LAMB4: variants seen among roughly 807,000 people sequenced by gnomAD.
The protein encoded by LAMB4 is laminin subunit beta 4, also known as laminin subunit beta-4.
LAMB4 carries 196 observed loss-of-function variants against 199.2 expected under a neutral mutation model. The ratio of observed to expected loss-of-function variants is 0.98; its 90% confidence interval spans 0.88 to 1.11. The LOEUF (loss-of-function observed/expected upper bound fraction) is 1.11. LAMB4 is among the 50% of genes least tolerant of loss of function. The probability of loss-of-function intolerance (pLI) is 0.00; values close to 1 mark genes in which losing one functional copy is unlikely to be tolerated. For synonymous variants in LAMB4, 744 were observed against 770.6 expected (o/e 0.97, Z 0.57); for missense variants, 2,080 against 2,171.2 (o/e 0.96, Z 0.83).
intron 23 of LAMB4, among the ~76,000 whole-genome samples, chr7:108,058,903 T>G (rs942571560): frequency 8.5e-5 from 13 of 152,236 alleles, no homozygotes; most frequent in African/African-American, 2.9e-4. Flanking sequence ...GCGACCCACC[T>G]GCCTCAGCCT....
At chr7:108,091,438 T>C (rs2037397693) in intron 14 of LAMB4, among the ~76,000 whole-genome samples, 188 bp downstream of exon 14, 1 of 152,238 alleles carries the variant, frequency 6.6e-6, no homozygotes, top group African/African-American at 2.4e-5. Flanking sequence ...AAAGATGAAC[T>C]AAACAGAGAC....
intron 3 of LAMB4, among the ~76,000 whole-genome samples, chr7:108,115,398 A>G (rs1346107223): frequency 2.0e-5 from 3 of 152,220 alleles, no homozygotes; most frequent in Non-Finnish European, 4.4e-5. Context: ...GGGTAGGCCC[A>G]GTGGCTTAGC....
chr7:108,053,546 A>G (rs1195064640), intron 25 of LAMB4, among the ~76,000 whole-genome samples: 1 of 152,228 alleles, frequency 6.6e-6, no homozygotes, highest in African/African-American at 2.4e-5. Context: ...GAAAGGCTTC[A>G]GGGAGGAGGT....
rs2035376848 is a variant in LAMB4, at chr7:108,040,310, A to C, written c.4472-2715T>G. 2.0e-5 allele frequency among the ~76,000 whole-genome samples: 3 copies of C among 152,238 alleles called. No homozygotes were observed. The East Asian group carries it at 5.8e-4, about 29-fold the overall frequency. The stretch of plus-strand genomic sequence containing the variant: ...TCCATGCTCATAGATAGGAAGAATC[A>C]ATATCATTAAAATGGCTATACTGCC... On this transcript the variant is annotated intron_variant, in intron 29 of 33. Coordinates refer to ENST00000388781, the MANE Select transcript of LAMB4 (RefSeq NM_007356.3).
At chr7:108,086,119 A>C (rs1207729842) in intron 14 of LAMB4, among the ~76,000 whole-genome samples, 1 of 152,146 alleles carries the variant, frequency 6.6e-6, no homozygotes, top group African/African-American at 2.4e-5. Flanking sequence ...CTCACCTGGA[A>C]GGTTACCTGC....
chr7:108,047,812 TTCTCACTTGGAAGTTATA>T (rs2035681707), intron 28 of LAMB4, 78 bp downstream of exon 28: 3 of 946,756 alleles, frequency 3.2e-6, no homozygotes, highest in African/African-American at 1.6e-5. Flanking sequence ...AGAATCTATC[TTCTCACTTGGAAGTTATA>T]TGGCAGTTTT....
chr7:108,078,876 T>C (rs1310037329), intron 15 of LAMB4, among the ~76,000 whole-genome samples: 1 of 152,170 alleles, frequency 6.6e-6, no homozygotes, highest in Admixed American at 6.5e-5. Context: ...AATAGAGAAT[T>C]ATGTCCTATC....
intron 14 of LAMB4, among the ~76,000 whole-genome samples, chr7:108,090,941 C>T (rs1393174085): frequency 6.6e-6 from 1 of 152,110 alleles, no homozygotes; most frequent in Non-Finnish European, 1.5e-5. Context: ...TTTCATCCTT[C>T]CCCATCTGTC....
chr7:108,077,985 C>T (rs2036769451), intron 16 of LAMB4, among the ~76,000 whole-genome samples: 2 of 152,206 alleles, frequency 1.3e-5, no homozygotes, highest in Non-Finnish European at 2.9e-5. Flanking sequence ...ATTTCTTCTT[C>T]ATCTAACGAA....
At chr7:108,118,841 A>G (rs936574286) in intron 2 of LAMB4, among the ~76,000 whole-genome samples, 5 of 152,216 alleles carry the variant, frequency 3.3e-5, no homozygotes, top group Admixed American at 6.5e-5. Context: ...GACCTTATGA[A>G]GAAGTGAAAA....
Position 108,062,869 on chromosome 7 carries a change from G to A in LAMB4, c.3187C>T (p.Arg1063Cys), listed in dbSNP as rs536424364. The A allele has an allele frequency of 7.5e-6, 12 of 1,593,148 alleles. No individual in the cohort carries two copies. The highest frequency in any genetic ancestry group is 1.1e-5 in the South Asian group (1 of 87,334). ...AGATTCCAGTATCCATCAGCACAAC[G>A]GTCACAGGCCAGGCCTGTGACATTC... is the stretch of plus-strand genomic sequence containing the variant. ...LPNVTGLACD[R>C]CADGYWNLVP... Residue 1063 changes from arginine to cysteine, a missense_variant, in exon 23 of 34, where the codon CGT becomes TGT. Coordinates refer to ENST00000388781, the MANE Select transcript of LAMB4 (RefSeq NM_007356.3).
rs1463095737 is a variant in LAMB4, at chr7:108,065,903, A to G, written c.2695T>C (p.Tyr899His). The change falls in exon 21 of 34, where the codon TAT becomes CAT. Residue 899 changes from tyrosine (Y) to histidine (H), a missense_variant. By Grantham distance (83) the Tyr-to-His change is moderately conservative. Coordinates refer to ENST00000388781, the MANE Select transcript of LAMB4 (RefSeq NM_007356.3). ...RNCERCIDGYYGNPSSGQPCR... is the reference protein window; with the variant it reads ...RNCERCIDGYHGNPSSGQPCR... ...GGCTGTCCTGAAGAAGGATTTCCAT[A>G]GTAACCATCAATACACCTGTCAAGA... The G allele has an allele frequency of 3.1e-6, 5 of 1,613,736 alleles. No homozygotes were observed. In the African/African-American group the frequency reaches 5.3e-5, roughly 17 times the overall value.
chr7:108,060,024 C>T (rs944905136), intron 23 of LAMB4, among the ~76,000 whole-genome samples: 1 of 152,118 alleles, frequency 6.6e-6, no homozygotes, highest in Non-Finnish European at 1.5e-5. Context: ...TGGGAATGTA[C>T]CAGGAACCAC....
intron 14 of LAMB4, among the ~76,000 whole-genome samples, chr7:108,088,220 T>C (rs1159014581): frequency 6.6e-6 from 1 of 151,780 alleles, no homozygotes; most frequent in Non-Finnish European, 1.5e-5. Flanking sequence ...TGGAGTGCAA[T>C]AGCACGATCT....
At chr7:108,057,782 T>C in intron 24 of LAMB4, 50 bp downstream of exon 24, 1 of 1,196,888 alleles carries the variant, frequency 8.4e-7, no homozygotes, top group Non-Finnish European at 1.3e-6. Context: ...ATGTCCATGG[T>C]AGGGCCAGGC....
intron 33 of LAMB4, among the ~76,000 whole-genome samples, chr7:108,027,908 G>A (rs963660607): frequency 2.0e-5 from 3 of 151,762 alleles, no homozygotes; most frequent in Non-Finnish European, 4.4e-5. Flanking sequence ...TCAGCCTCCC[G>A]AGTAGCTGGG....
intron 26 of LAMB4, among the ~76,000 whole-genome samples, chr7:108,050,764 C>A (rs1414296325): frequency 2.0e-5 from 3 of 152,124 alleles, no homozygotes; most frequent in Non-Finnish European, 4.4e-5. Context: ...GAATTAGTTT[C>A]TTCTTTCATT....
At chr7:108,125,920 A>G (rs776277832) in intron 1 of LAMB4, among the ~76,000 whole-genome samples, 60 of 152,258 alleles carry the variant, frequency 3.9e-4, no homozygotes, top group Non-Finnish European at 6.3e-4. Flanking sequence ...AATAAAGGTC[A>G]TGGTACAAAG....
chr7:108,106,084 G>GAAGAGTCCCTT, intron 7 of LAMB4, 53 bp from the exon 8 acceptor site: 1 of 1,352,424 alleles, frequency 7.4e-7, no homozygotes, highest in Non-Finnish European at 1.1e-6. Context: ...ATCAGTTCAA[G>GAAGAGTCCCTT]GGACTCTTCT....
Sources: allele counts gnomAD v4.1 joint callset (sites outside exome capture counted in the v4.1 genomes callset), GRCh38; gene constraint gnomAD v4.1.1; transcripts MANE v1.5; gene names NCBI Gene and HGNC (gene_info 2026-07-23, HGNC 2026-07-21).